Variants in TGFBR3 observed in about 807,000 individuals in gnomAD.
The protein encoded by TGFBR3 is transforming growth factor beta receptor type 3.
A neutral mutation model predicts 87.9 loss-of-function variants in TGFBR3; 46 were observed. That is an observed-to-expected ratio of 0.52 (90% confidence interval 0.41 to 0.67). The LOEUF is 0.67. TGFBR3 is among the 30% of genes least tolerant of loss of function. The pLI, the probability that TGFBR3 is intolerant of heterozygous loss-of-function variation, is 0.00. For synonymous variants in TGFBR3, 381 were observed against 391.6 expected (o/e 0.97, Z 0.32); for missense variants, 866 against 1,041.9 (o/e 0.83, Z 2.32).
At chr1:91,836,046 G>C (rs146505499) in intron 2 of TGFBR3, among the ~76,000 whole-genome samples, 2,744 of 151,760 alleles carry the variant, frequency 0.018, 90 homozygotes, top group African/African-American at 0.061. Flanking sequence ...TCGGGAGTTC[G>C]AGACCAGCCT....
intron 16 of TGFBR3, among the ~76,000 whole-genome samples, chr1:91,691,493 G>A (rs1230243441): frequency 6.6e-6 from 1 of 152,204 alleles, no homozygotes; most frequent in African/African-American, 2.4e-5. Flanking sequence ...AGGAAAAAGT[G>A]TCTATAATCT....
intron 9 of TGFBR3, 65 bp from the exon 10 acceptor site, chr1:91,719,529 C>T (rs1388699025): frequency 1.3e-6 from 2 of 1,587,430 alleles, no homozygotes; most frequent in East Asian, 2.2e-5. Flanking sequence ...ATAATTGACA[C>T]AATTGACAAT....
rs1185509873 is a variant in TGFBR3 at position 91,886,050 on chromosome 1, A to C, written c.-286T>G. 2 of 453,854 alleles carry C rather than the reference A, an allele frequency of 4.4e-6. No homozygotes were observed. The highest frequency in any genetic ancestry group is 8.8e-6 in the Non-Finnish European group (2 of 226,756). The allele number at this position is 453,854 out of a possible 1,614,324, so 28.1% of individuals were successfully genotyped here. A position where few individuals can be genotyped will look rare whatever the true frequency, so the allele number is the denominator to read the frequency against. ...CTCACCTCCTGCAGGGAGCTCCGGG[A>C]ATCGCGCAGGGAAAGTGGCCGGGGC... On this transcript the variant is annotated 5_prime_UTR_variant, in exon 1 of 17. In the 5' UTR this introduces an upstream ATG that the reference lacks. Coordinates refer to ENST00000212355, the MANE Select transcript of TGFBR3 (RefSeq NM_003243.5).
At chr1:91,830,504 A>G (rs1369933369) in intron 2 of TGFBR3, among the ~76,000 whole-genome samples, 3 of 152,150 alleles carry the variant, frequency 2.0e-5, no homozygotes, top group African/African-American at 7.2e-5. Context: ...CAGCTGCTAA[A>G]TAACAGAGGT....
chr1:91,845,926 A>T (rs950906191), intron 2 of TGFBR3, among the ~76,000 whole-genome samples: 11 of 152,220 alleles, frequency 7.2e-5, no homozygotes, highest in Admixed American at 4.6e-4. Context: ...CTTTTCCTCT[A>T]TTTAAGAAGA....
At chr1:91,696,367 C>T (rs1191832258) in intron 15 of TGFBR3, among the ~76,000 whole-genome samples, 1 of 152,196 alleles carries the variant, frequency 6.6e-6, no homozygotes, top group Non-Finnish European at 1.5e-5. Flanking sequence ...TCATATTAAA[C>T]TCTTAATCTT....
At chr1:91,727,853 G>C in intron 6 of TGFBR3, 47 bp from the exon 7 acceptor site, 6 of 1,608,844 alleles carry the variant, frequency 3.7e-6, no homozygotes, top group Non-Finnish European at 5.1e-6. Context: ...ATGCCAGAAA[G>C]TTGCAACTAT....
At chr1:91,795,286 A>G (rs1287086170) in intron 3 of TGFBR3, among the ~76,000 whole-genome samples, 1 of 152,356 alleles carries the variant, frequency 6.6e-6, no homozygotes, top group East Asian at 1.9e-4. Flanking sequence ...TACATATACT[A>G]TACTAATATC....
chr1:91,890,474 C>G (rs1679421873), upstream of TGFBR3, among the ~76,000 whole-genome samples: 1 of 120,220 alleles, frequency 8.3e-6, no homozygotes, highest in South Asian at 2.8e-4. Context: ...GGCCGGAGTG[C>G]AGTGGCGCCA....
chr1:91,842,670 G>C (rs1425913986), intron 2 of TGFBR3, among the ~76,000 whole-genome samples: 1 of 152,122 alleles, frequency 6.6e-6, no homozygotes, highest in Non-Finnish European at 1.5e-5. Context: ...CCATAATAAG[G>C]TTGTTCTAGC....
intron 3 of TGFBR3, among the ~76,000 whole-genome samples, chr1:91,795,067 T>C (rs747492483): frequency 2.0e-5 from 3 of 152,260 alleles, no homozygotes; most frequent in Non-Finnish European, 4.4e-5. Flanking sequence ...CTGACCCTCA[T>C]TCTGATGTTA....
At chr1:91,853,927 C>T (rs1446622060) in intron 2 of TGFBR3, among the ~76,000 whole-genome samples, 4 of 152,032 alleles carry the variant, frequency 2.6e-5, no homozygotes, top group Admixed American at 6.5e-5. Flanking sequence ...GAGAATCACT[C>T]GAACCCGGGA....
intron 2 of TGFBR3, among the ~76,000 whole-genome samples, chr1:91,892,798 C>A (rs977710728): frequency 2.6e-5 from 4 of 152,106 alleles, no homozygotes; most frequent in African/African-American, 9.7e-5. Flanking sequence ...AAAGTAATAC[C>A]AGTTTAGAGC....
intron 7 of TGFBR3, among the ~76,000 whole-genome samples, chr1:91,726,408 T>A (rs965923127): frequency 6.6e-6 from 1 of 152,008 alleles, no homozygotes; most frequent in Non-Finnish European, 1.5e-5. Context: ...CCTCATGCCA[T>A]GCCAGAGAAG....
At position 91,681,784 on chromosome 1, in the gene TGFBR3, A is replaced by G; in HGVS notation, c.*1955T>C. The G allele has an allele frequency of 2.2e-6, 1 of 445,068 alleles. No homozygotes were observed. The highest frequency in any genetic ancestry group is 1.6e-5 in the South Asian group (1 of 61,274). 27.6% of individuals were successfully genotyped at this position (445,068 alleles called of 1,614,324 possible). A position where few individuals can be genotyped will look rare whatever the true frequency, so the allele number is the denominator to read the frequency against. On this transcript the variant is annotated 3_prime_UTR_variant, in exon 17 of 17. Coordinates refer to ENST00000212355, the MANE Select transcript of TGFBR3 (RefSeq NM_003243.5). ...TAGTCTTCTTTGAAGACATCTTTAA[A>G]CTTTTTTATACATAGAATATGCTGA...
chr1:91,718,935 T>C (rs551992962), intron 10 of TGFBR3, among the ~76,000 whole-genome samples: 1 of 152,326 alleles, frequency 6.6e-6, no homozygotes, highest in Non-Finnish European at 1.5e-5. Flanking sequence ...ACCACACATC[T>C]GGTTAACCCG....
intron 2 of TGFBR3, among the ~76,000 whole-genome samples, chr1:91,852,764 A>G (rs566724700): frequency 2.2e-4 from 34 of 152,342 alleles, no homozygotes; most frequent in Non-Finnish European, 4.3e-4. Flanking sequence ...TGCTCTTTAA[A>G]ATAAAGTTTG....
intron 1 of TGFBR3, among the ~76,000 whole-genome samples, chr1:91,878,123 G>A (rs1171187413): frequency 6.6e-6 from 1 of 152,126 alleles, no homozygotes; most frequent in African/African-American, 2.4e-5. Flanking sequence ...TCTTTATGGA[G>A]ACTCAGAAGA....
intron 16 of TGFBR3, among the ~76,000 whole-genome samples, chr1:91,694,148 C>T (rs1045204946): frequency 3.9e-5 from 6 of 152,276 alleles, no homozygotes; most frequent in South Asian, 4.1e-4. Context: ...CACACCACCA[C>T]GCCATGCTAG....
Sources: allele counts gnomAD v4.1 joint callset (sites outside exome capture counted in the v4.1 genomes callset), GRCh38; gene constraint gnomAD v4.1.1; transcripts MANE v1.5; gene names NCBI Gene and HGNC (gene_info 2026-07-23, HGNC 2026-07-21).